The following CADM1 variants were observed in gnomAD, a reference collection of about 807,000 sequenced individuals.
The protein encoded by CADM1 is cell adhesion molecule 1.
A neutral mutation model predicts 53.1 loss-of-function variants in CADM1; 15 were observed. The ratio of observed to expected loss-of-function variants is 0.28; its 90% CI spans 0.19 to 0.44. The LOEUF (loss-of-function observed/expected upper bound fraction) is 0.44, where lower values mean the gene tolerates loss of function less well. Ranked by LOEUF, CADM1 falls within the 20% of genes least tolerant of loss-of-function variation. The pLI, the probability that CADM1 is intolerant of heterozygous loss-of-function variation, is 1.00. For missense variants in CADM1, 434 were observed against 611.3 expected, an observed-to-expected ratio of 0.71 and a Z score of 3.06; for synonymous variants, 281 against 243.0, an observed-to-expected ratio of 1.16 and a Z score of -1.45.
chr11:115,288,953 C>G (rs918656307), intron 1 of CADM1, among the ~76,000 whole-genome samples: 2 of 152,284 alleles, frequency 1.3e-5, no homozygotes, highest in South Asian at 4.1e-4. Flanking sequence ...CCCTCCTGTT[C>G]CTGTAAACCT....
At chr11:115,497,988 A>C (rs1368598905) in intron 1 of CADM1, among the ~76,000 whole-genome samples, 7 of 152,136 alleles carry the variant, frequency 4.6e-5, no homozygotes, top group Non-Finnish European at 7.4e-5. Flanking sequence ...AAAAAAAAAA[A>C]AAAACCCTCA....
At chr11:115,243,056 AGAGT>A (rs1245926985) in intron 1 of CADM1, among the ~76,000 whole-genome samples, 2 of 152,238 alleles carry the variant, frequency 1.3e-5, no homozygotes, top group Non-Finnish European at 2.9e-5. Flanking sequence ...ACAATAAAAC[AGAGT>A]GAGGTTTTGT....
chr11:115,476,712 TC>T (rs1949139836), intron 1 of CADM1, among the ~76,000 whole-genome samples: 1 of 152,196 alleles, frequency 6.6e-6, no homozygotes, highest in Non-Finnish European at 1.5e-5. Flanking sequence ...GATAAAGACT[TC>T]CTAGTTAAAA....
At chr11:115,179,833 A>C (rs909264792) in intron 10 of CADM1, among the ~76,000 whole-genome samples, 1 of 152,328 alleles carries the variant, frequency 6.6e-6, no homozygotes, top group Middle Eastern at 3.4e-3. Context: ...TTAACTTTAC[A>C]TGATTTGTGA....
chr11:115,179,090 T>C (rs75190349), intron 10 of CADM1: 3,833 of 382,456 alleles, frequency 0.01, 28 homozygotes, highest in Middle Eastern at 0.026. Flanking sequence ...ACTCTGTCTG[T>C]ATCCAGTTGC....
At chr11:115,216,444 T>C (rs950080908) in intron 6 of CADM1, among the ~76,000 whole-genome samples, 2 of 152,168 alleles carry the variant, frequency 1.3e-5, no homozygotes, top group Non-Finnish European at 2.9e-5. Flanking sequence ...CGAGCACGGG[T>C]ATTGCAAGCG....
intron 1 of CADM1, among the ~76,000 whole-genome samples, chr11:115,412,314 C>A (rs1253706390): frequency 6.6e-6 from 1 of 152,156 alleles, no homozygotes; most frequent in Non-Finnish European, 1.5e-5. Context: ...TCCACCTCAA[C>A]CTCCCAAGTA....
At chr11:115,434,870 T>A (rs2135306605) in intron 1 of CADM1, among the ~76,000 whole-genome samples, 1 of 147,286 alleles carries the variant, frequency 6.8e-6, no homozygotes, top group African/African-American at 2.4e-5. Context: ...ATTATTTTTT[T>A]TTTTTTTTGA....
At chr11:115,321,121 G>T (rs1944814847) in intron 1 of CADM1, among the ~76,000 whole-genome samples, 1 of 152,266 alleles carries the variant, frequency 6.6e-6, no homozygotes, top group Admixed American at 6.5e-5. Flanking sequence ...TTGTGCAATT[G>T]TAAGTTTTAT....
At chr11:115,368,800 G>T (rs1443651474) in intron 1 of CADM1, among the ~76,000 whole-genome samples, 1 of 151,850 alleles carries the variant, frequency 6.6e-6, no homozygotes, top group Admixed American at 6.6e-5. Flanking sequence ...GCAGTGTCAG[G>T]AATGTCCTAT....
At chr11:115,460,918 G>A (rs1663693304) in intron 1 of CADM1, among the ~76,000 whole-genome samples, 1 of 152,088 alleles carries the variant, frequency 6.6e-6, no homozygotes, top group African/African-American at 2.4e-5. Context: ...TTCAGGTTCT[G>A]GGCCTATGAA....
intron 1 of CADM1, among the ~76,000 whole-genome samples, chr11:115,356,979 A>G (rs2031331827): frequency 6.6e-6 from 1 of 152,228 alleles, no homozygotes; most frequent in South Asian, 2.1e-4. Flanking sequence ...CAATGCAAAC[A>G]TTTTTGTAAT....
intron 6 of CADM1, among the ~76,000 whole-genome samples, chr11:115,215,120 A>G (rs1941123805): frequency 1.3e-5 from 2 of 152,182 alleles, no homozygotes; most frequent in South Asian, 4.1e-4. Context: ...CATTGTTAAC[A>G]TCTCATTAAT....
intron 1 of CADM1, among the ~76,000 whole-genome samples, chr11:115,340,652 A>T (rs1430403459): frequency 0.1 from 4,233 of 40,324 alleles, 449 homozygotes; most frequent in Non-Finnish European, 0.13. Flanking sequence ...ATATATATAT[A>T]TATATATTTT....
intron 1 of CADM1, among the ~76,000 whole-genome samples, chr11:115,398,343 T>C (rs1947055430): frequency 6.6e-6 from 1 of 152,208 alleles, no homozygotes; most frequent in African/African-American, 2.4e-5. Flanking sequence ...CCCCAGCATC[T>C]CCTTAGAGAG....
chr11:115,415,273 A>G (rs1488277191), intron 1 of CADM1, among the ~76,000 whole-genome samples: 1 of 149,244 alleles, frequency 6.7e-6, no homozygotes, highest in Admixed American at 6.8e-5. Context: ...ATAAATGGCT[A>G]ACCAAATGTT....
chr11:115,282,283 C>T (rs1034123393), intron 1 of CADM1, among the ~76,000 whole-genome samples: 1 of 152,092 alleles, frequency 6.6e-6, no homozygotes, highest in African/African-American at 2.4e-5. Flanking sequence ...GGAAGCACAG[C>T]CAAACTGGTA....
chr11:115,208,813 G>C (rs1238871916), intron 8 of CADM1, among the ~76,000 whole-genome samples: 1 of 152,256 alleles, frequency 6.6e-6, no homozygotes, highest in Non-Finnish European at 1.5e-5. Context: ...GCCACATCAA[G>C]CAGTATGAGA....
chr11:115,237,260 T>G (rs781733025), intron 3 of CADM1, among the ~76,000 whole-genome samples: 1 of 152,200 alleles, frequency 6.6e-6, no homozygotes, highest in Non-Finnish European at 1.5e-5. Context: ...AGGTCTAATC[T>G]GGAGTAAAAC....
Sources: allele counts gnomAD v4.1 joint callset (sites outside exome capture counted in the v4.1 genomes callset), GRCh38; gene constraint gnomAD v4.1.1; transcripts MANE v1.5; gene names NCBI Gene and HGNC (gene_info 2026-07-23, HGNC 2026-07-21).